The following ATP9B variants were observed in gnomAD, a reference collection of about 807,000 sequenced individuals.
The protein encoded by ATP9B is ATPase phospholipid transporting 9B.
In ATP9B, 110 loss-of-function variants were observed where a neutral mutation model predicts 146.1. That is an observed-to-expected ratio of 0.75 (90% CI 0.65 to 0.88). The LOEUF (loss-of-function observed/expected upper bound fraction) is 0.88. Ranked by LOEUF, ATP9B falls within the 40% of genes least tolerant of loss-of-function variation. ATP9B has a pLI of 0.00. For missense variants in ATP9B, 1,499 were observed against 1,496.4 expected (o/e 1.00, Z -0.03); for synonymous variants, 604 against 569.7 (o/e 1.06, Z -0.86).
chr18:79,333,035 T>G (rs1392965977), intron 17 of ATP9B: 1 of 152,228 alleles, frequency 6.6e-6, no homozygotes, highest in Non-Finnish European at 1.5e-5. Flanking sequence ...GCCTACAGAT[T>G]AACCTTGATC....
At chr18:79,201,440 A>C (rs556576122) in intron 9 of ATP9B, among the ~76,000 whole-genome samples, 12 of 152,342 alleles carry the variant, frequency 7.9e-5, no homozygotes, top group African/African-American at 2.9e-4. Flanking sequence ...CAGCTTAAAT[A>C]CTTAAATAAG....
intron 13 of ATP9B, among the ~76,000 whole-genome samples, chr18:79,303,356 A>C (rs1392313651): frequency 6.6e-6 from 1 of 152,090 alleles, no homozygotes; most frequent in African/African-American, 2.4e-5. Context: ...AGTGAGACCC[A>C]GTCTCCAAAA....
chr18:79,200,377 C>A (rs1390672579), intron 9 of ATP9B, among the ~76,000 whole-genome samples: 1 of 152,208 alleles, frequency 6.6e-6, no homozygotes, highest in Non-Finnish European at 1.5e-5. Flanking sequence ...TTAATACCCA[C>A]TTCTCAATAA....
intron 9 of ATP9B, among the ~76,000 whole-genome samples, chr18:79,195,936 G>T (rs76405048): frequency 0.017 from 2,616 of 152,288 alleles, 36 homozygotes; most frequent in Non-Finnish European, 0.027. Flanking sequence ...TCAAGTGTGT[G>T]TTATTAAATA....
At chr18:79,318,989 G>A (rs1486198125) in intron 15 of ATP9B, among the ~76,000 whole-genome samples, 1 of 152,124 alleles carries the variant, frequency 6.6e-6, no homozygotes, top group East Asian at 1.9e-4. Context: ...AAAAATGTTA[G>A]GGAAGAAAAG....
intron 4 of ATP9B, among the ~76,000 whole-genome samples, chr18:79,123,459 G>A (rs2094224854): frequency 6.6e-6 from 1 of 151,414 alleles, no homozygotes; most frequent in East Asian, 1.9e-4. Flanking sequence ...TTGTTAAGAT[G>A]GCAGCACTCT....
intron 12 of ATP9B, among the ~76,000 whole-genome samples, chr18:79,261,890 T>C (rs1281612321): frequency 6.6e-6 from 1 of 152,184 alleles, no homozygotes; most frequent in Non-Finnish European, 1.5e-5. Context: ...GCTCCCACTT[T>C]ATAATAGGCA....
intron 28 of ATP9B, 50 bp from the exon 29 acceptor site, chr18:79,375,344 G>GT: frequency 6.7e-7 from 1 of 1,491,350 alleles, no homozygotes; most frequent in Non-Finnish European, 9.3e-7. Context: ...AAATATCCTG[G>GT]TATCTCCTTT....
At chr18:79,276,381 A>G (rs1396661494) in intron 12 of ATP9B, among the ~76,000 whole-genome samples, 1 of 152,264 alleles carries the variant, frequency 6.6e-6, no homozygotes, top group East Asian at 1.9e-4. Context: ...ATGAAATTTT[A>G]AAAATGACTA....
At chr18:79,305,517 A>C (rs1327496432) in intron 14 of ATP9B, among the ~76,000 whole-genome samples, 1 of 152,238 alleles carries the variant, frequency 6.6e-6, no homozygotes. Flanking sequence ...TAATAGAAGA[A>C]AAATCTTAAA....
At chr18:79,359,217 G>A (rs2096972358) in intron 25 of ATP9B, 137 bp from the exon 26 acceptor site, 1 of 620,096 alleles carries the variant, frequency 1.6e-6, no homozygotes, top group Admixed American at 2.7e-5. Flanking sequence ...ATCTTACTTG[G>A]TTGCCAACTT....
chr18:79,200,762 C>CTGTCGGGGTCAGAGCA (rs376428579), intron 9 of ATP9B, among the ~76,000 whole-genome samples: 1 of 26,788 alleles, frequency 3.7e-5, no homozygotes, highest in Non-Finnish European at 8.8e-5. Flanking sequence ...GAGGTGGGAA[C>CTGTCGGGGTCAGAGCA]GTTGGGGTCA....
At chr18:79,323,706 C>T (rs537300866) in intron 15 of ATP9B, among the ~76,000 whole-genome samples, 4 of 152,280 alleles carry the variant, frequency 2.6e-5, no homozygotes, top group Non-Finnish European at 5.9e-5. Context: ...TCCGTGCATC[C>T]AGTGGGGGAC....
At chr18:79,374,129 A>G (rs957774560) in intron 28 of ATP9B, 28 bp downstream of exon 28, 3 of 1,600,770 alleles carry the variant, frequency 1.9e-6, no homozygotes, top group Admixed American at 3.4e-5. Flanking sequence ...TGTTTTTTGA[A>G]TCGTTCTCTA....
chr18:79,304,168 T>C (rs1416342051), intron 14 of ATP9B, among the ~76,000 whole-genome samples: 1 of 152,154 alleles, frequency 6.6e-6, no homozygotes, highest in East Asian at 1.9e-4. Context: ...CACCTACCTG[T>C]CATCAGTGCC....
At chr18:79,227,352 G>T (rs1206103634) in intron 11 of ATP9B, among the ~76,000 whole-genome samples, 1 of 143,648 alleles carries the variant, frequency 7.0e-6, no homozygotes, top group Non-Finnish European at 1.5e-5. Flanking sequence ...CCAAATCCCT[G>T]CAGTGAACAG....
intron 25 of ATP9B, among the ~76,000 whole-genome samples, chr18:79,359,000 C>G (rs931741063): frequency 1.3e-5 from 2 of 151,862 alleles, no homozygotes; most frequent in Non-Finnish European, 2.9e-5. Flanking sequence ...GAGGTTCACA[C>G]TACAGTTATC....
chr18:79,232,245 G>C (rs2095799870), intron 11 of ATP9B, among the ~76,000 whole-genome samples: 1 of 152,166 alleles, frequency 6.6e-6, no homozygotes, highest in African/African-American at 2.4e-5. Flanking sequence ...GTAGAGTGCA[G>C]GGGCACAGAC....
intron 11 of ATP9B, among the ~76,000 whole-genome samples, chr18:79,224,696 G>T (rs1381195102): frequency 2.0e-5 from 3 of 152,300 alleles, no homozygotes; most frequent in Admixed American, 2.0e-4. Context: ...GCCAATGTCT[G>T]TTGGAACAAG....
Sources: allele counts gnomAD v4.1 joint callset (sites outside exome capture counted in the v4.1 genomes callset), GRCh38; gene constraint gnomAD v4.1.1; transcripts MANE v1.5; gene names NCBI Gene and HGNC (gene_info 2026-07-23, HGNC 2026-07-21).